UBXN4: variants seen among roughly 807,000 people sequenced by gnomAD.
UBXN4 encodes the protein UBX domain-containing protein 4.
A neutral mutation model predicts 66.2 loss-of-function variants in UBXN4; 35 were observed. That is an observed-to-expected ratio of 0.53 (90% CI 0.40 to 0.70). The LOEUF is 0.70. UBXN4 is among the 30% of genes least tolerant of loss of function. The probability of loss-of-function intolerance (pLI) is 0.00; values close to 1 mark genes in which losing one functional copy is unlikely to be tolerated. For synonymous variants in UBXN4, 203 were observed against 204.5 expected, an observed-to-expected ratio of 0.99 and a Z score of 0.06; for missense variants, 533 against 599.8, an observed-to-expected ratio of 0.89 and a Z score of 1.16.
chr2:135,752,160 G>A (rs1220238965), intron 2 of UBXN4, among the ~76,000 whole-genome samples: 1 of 152,020 alleles, frequency 6.6e-6, no homozygotes, highest in African/African-American at 2.4e-5. Context: ...CAGTTCTCCT[G>A]TGTCAGCCTC....
intron 10 of UBXN4, among the ~76,000 whole-genome samples, 183 bp downstream of exon 10, chr2:135,776,534 T>C (rs183138402): frequency 2.6e-5 from 4 of 152,346 alleles, no homozygotes; most frequent in Admixed American, 2.6e-4. Flanking sequence ...GAGTAACATA[T>C]CTGCTTTGTG....
intron 5 of UBXN4, among the ~76,000 whole-genome samples, chr2:135,760,228 C>T (rs1006457100): frequency 6.6e-6 from 1 of 152,010 alleles, no homozygotes; most frequent in Admixed American, 6.6e-5. Flanking sequence ...CTCAGGAGTT[C>T]GAGACCAGCC....
At chr2:135,742,942 G>C (rs979622032) in intron 1 of UBXN4, among the ~76,000 whole-genome samples, 1 of 152,076 alleles carries the variant, frequency 6.6e-6, no homozygotes, top group African/African-American at 2.4e-5. Context: ...TGTTGCTCTA[G>C]GCTATTTTGC....
intron 6 of UBXN4, among the ~76,000 whole-genome samples, chr2:135,768,437 T>C (rs956690275): frequency 6.6e-6 from 1 of 151,958 alleles, no homozygotes; most frequent in Non-Finnish European, 1.5e-5. Flanking sequence ...GACCTCGTGA[T>C]CTGCCCACCT....
rs530018475 is a variant in UBXN4, at chr2:135,769,974, G to A, written c.657+151G>A. ...GATAATTCCTGTTTTCTCTAGTAGA[G>A]TCATAGTATATACATTTTTTGTGTT... On this transcript the variant is annotated intron_variant, in intron 7 of 12. Coordinates refer to ENST00000272638, the MANE Select transcript of UBXN4 (RefSeq NM_014607.4). 1.6e-5 allele frequency: 8 copies of A among 508,862 alleles called. No individual in the cohort carries two copies. The East Asian group carries it at 2.4e-4, about 15-fold the overall frequency. 31.5% of individuals were successfully genotyped at this position (508,862 alleles called of 1,614,324 possible).
rs1245910227 is a variant in UBXN4 at position 135,784,644 on chromosome 2, G to A, written c.*1757G>A. ...AAGCATCTCATTTAAATAAAGGTTT[G>A]TCATCTTTAAAAATACAGCAATATG... On this transcript the variant is annotated 3_prime_UTR_variant, in exon 13 of 13. Transcript: ENST00000272638. The A allele has an allele frequency of 6.6e-6, 1 of 152,528 alleles. No homozygotes were observed. 9.4% of individuals were successfully genotyped at this position (152,528 alleles called of 1,614,324 possible).
chr2:135,745,875 C>T lies in UBXN4; in HGVS notation c.83-2392C>T, dbSNP rs377313298. 2.4e-3 allele frequency among the ~76,000 whole-genome samples: 180 copies of T among 74,388 alleles called. 1 individual carries two copies. Among genetic ancestry groups the T allele is most frequent in the Non-Finnish European group, 2.6e-3 (112 of 42,868 alleles). The allele number at this position is 74,388 out of a possible 152,430, so 48.8% of individuals were successfully genotyped here. ...TGTGGATGCATTCTAGTCCCGTTTA[C>T]TTTTTTTTTTTTTTTTTTTTTGAGA... On this transcript the variant is annotated intron_variant, in intron 1 of 12. Transcript: ENST00000272638.
In UBXN4 at chr2:135,748,252, T is replaced by C; in HGVS notation, c.83-15T>C. 6.5e-7 allele frequency: 1 copy of C among 1,534,298 alleles called. No individual in the cohort carries two copies. The highest frequency in any genetic ancestry group is 8.7e-7 in the Non-Finnish European group (1 of 1,144,256). ...GATCCCAGCCTGGTATAAGAATTTT[T>C]GAAATGTTTTACAGGTGATGATGAA... On this transcript the variant is annotated splice_polypyrimidine_tract_variant and intron_variant, in intron 1 of 12. Coordinates refer to ENST00000272638, the MANE Select transcript of UBXN4 (RefSeq NM_014607.4).
At chr2:135,748,170 G>A (rs2077220833) in intron 1 of UBXN4, 97 bp from the exon 2 acceptor site, 3 of 887,624 alleles carry the variant, frequency 3.4e-6, no homozygotes, top group Admixed American at 3.1e-5. Flanking sequence ...GGTATAGGTG[G>A]GATTATATTT....
intron 6 of UBXN4, 116 bp from the exon 7 acceptor site, chr2:135,769,653 T>C (rs2105504439): frequency 1.3e-6 from 1 of 778,196 alleles, no homozygotes; most frequent in East Asian, 3.1e-5. Context: ...TTGCTTGCTT[T>C]TTGTTTGTTT....
intron 6 of UBXN4, among the ~76,000 whole-genome samples, chr2:135,765,299 T>C (rs942645763): frequency 3.3e-5 from 5 of 151,244 alleles, no homozygotes; most frequent in Admixed American, 2.6e-4. Context: ...AACCTCCACC[T>C]CCCAGATTCA....
In UBXN4 at chr2:135,772,451, A is replaced by T. The variant is rs376124383; in HGVS notation, c.854A>T (p.Lys285Met). The T allele has an allele frequency of 1.2e-6, 2 of 1,614,164 alleles. No individual in the cohort carries two copies. Among genetic ancestry groups the T allele is most frequent in the Admixed American group, 3.3e-5 (2 of 60,038 alleles). ...GCAGAGAGAGCTGCTCGTTTTGCAA[A>T]GACAAAGGAAGAAGTAGAGGCTGCC... ...DRAERAARFAKTKEEVEAAKA... is the reference protein window; with the variant it reads ...DRAERAARFAMTKEEVEAAKA... The change falls in exon 9 of 13, where the codon AAG becomes ATG. Residue 285 changes from lysine to methionine, a missense_variant. Physicochemically the swap from Lys to Met is moderately conservative, Grantham distance 95 (BLOSUM62 -1). This residue lies in a region of UBXN4 where 529 missense variants were observed against 580.1 expected (regional missense o/e 0.91). Transcript: ENST00000272638.
At chr2:135,757,335 A>T (rs1227912113) in intron 5 of UBXN4, among the ~76,000 whole-genome samples, 1 of 152,086 alleles carries the variant, frequency 6.6e-6, no homozygotes, top group Non-Finnish European at 1.5e-5. Context: ...TAGTTGTAGG[A>T]TTTCTATTTC....
rs1350867584 is a variant in UBXN4 at position 135,741,910 on chromosome 2, G to C, written c.-20G>C. The C allele has an allele frequency of 1.9e-6, 3 of 1,606,696 alleles. No individual in the cohort carries two copies. In the African/African-American group the frequency reaches 4.0e-5, roughly 22 times the overall value. ...TGCGGAGACTACACACCGAGCGAGC[G>C]CCTGGGCCCGAAGGGAGCGATGCTG... On this transcript the variant is annotated 5_prime_UTR_variant, in exon 1 of 13. Transcript: ENST00000272638.
At chr2:135,766,178 A>G (rs1391543870) in intron 6 of UBXN4, among the ~76,000 whole-genome samples, 1 of 152,062 alleles carries the variant, frequency 6.6e-6, no homozygotes, top group Non-Finnish European at 1.5e-5. Context: ...GTCGAAGCCC[A>G]AATGTAGAAG....
chr2:135,768,306 C>T (rs2077359864), intron 6 of UBXN4, among the ~76,000 whole-genome samples: 1 of 151,898 alleles, frequency 6.6e-6, no homozygotes, highest in Non-Finnish European at 1.5e-5. Context: ...TCAAGCGATT[C>T]TCCTGGCTCA....
intron 3 of UBXN4, 102 bp downstream of exon 3, chr2:135,753,669 A>C (rs970218914): frequency 7.5e-6 from 8 of 1,062,656 alleles, no homozygotes; most frequent in African/African-American, 3.4e-5. Context: ...TTAGGAAATC[A>C]TACATTCTTT....
intron 6 of UBXN4, among the ~76,000 whole-genome samples, chr2:135,765,212 T>G: frequency 6.6e-6 from 1 of 151,798 alleles, no homozygotes; most frequent in African/African-American, 2.4e-5. Flanking sequence ...CATTATGTTT[T>G]TTTTTTTTTT....
rs2077434091 is a variant in UBXN4, at chr2:135,778,957, A to G, written c.1063A>G (p.Asn355Asp). 2.5e-6 allele frequency: 4 copies of G among 1,612,160 alleles called. No homozygotes were observed. Among genetic ancestry groups the G allele is most frequent in the Non-Finnish European group, 3.4e-6 (4 of 1,179,362 alleles). The part of the protein sequence containing the change: ...ARQFAAQTVG[N>D]TYGNFSLATM... ...AAAACTTATTTTACAGACTGTTGGC[A>G]ACACTTACGGTAATTTTTCGTTAGC... is the stretch of plus-strand genomic sequence containing the variant. The change falls in exon 11 of 13, where the codon AAC (asparagine) becomes GAC (aspartate). Residue 355 changes from asparagine (N) to aspartate (D), a missense_variant. By Grantham distance (23) the Asn-to-Asp change is conservative (BLOSUM62 1). Coordinates refer to ENST00000272638, the MANE Select transcript of UBXN4 (RefSeq NM_014607.4).
Sources: gnomAD v4.1 joint callset for allele counts (sites outside exome capture counted in the v4.1 genomes callset) on GRCh38, gnomAD v4.1.1 for gene constraint, gnomAD v4.1.1 regional missense constraint, MANE v1.5 for transcripts, NCBI Gene and HGNC (gene_info 2026-07-23, HGNC 2026-07-21) for gene names.